YLPM1: variants seen among roughly 807,000 people sequenced by gnomAD.
YLPM1 encodes the protein YLP motif containing 1.
In YLPM1, 99 loss-of-function variants were observed where a neutral mutation model predicts 230.0. The observed-to-expected ratio is 0.43, with a 90% CI of 0.37 to 0.51. The LOEUF (loss-of-function observed/expected upper bound fraction) is 0.51, where lower values mean the gene tolerates loss of function less well. Among genes scored for constraint, YLPM1 ranks in the 20% least tolerant of loss-of-function variants. The pLI is 0.00. For missense variants in YLPM1, 2,592 were observed against 2,707.7 expected, an observed-to-expected ratio of 0.96 and a Z score of 0.95; for synonymous variants, 984 against 942.5, an observed-to-expected ratio of 1.04 and a Z score of -0.81.
intron 2 of YLPM1, 29 bp downstream of exon 2, chr14:74,778,712 A>G: frequency 2.0e-6 from 3 of 1,513,628 alleles, no homozygotes; most frequent in Non-Finnish European, 2.7e-6. Flanking sequence ...GTTTGTGTTT[A>G]TTAAATTATT....
In YLPM1 at chr14:74,816,193, T is replaced by C. The variant is rs1267399482; in HGVS notation, c.5503-10T>C. 1.3e-6 allele frequency: 2 copies of C among 1,595,364 alleles called. No homozygotes were observed. Among genetic ancestry groups the C allele is most frequent in the Middle Eastern group, 1.6e-4 (1 of 6,072 alleles). On this transcript the variant is annotated splice_polypyrimidine_tract_variant and intron_variant, in intron 11 of 20. Coordinates refer to ENST00000325680, the MANE Select transcript of YLPM1 (RefSeq NM_019589.3). ...TGATTTTTTTTTTTTTTTGGTCTAT[T>C]CTGTTTCAGATTGTTGTTATAATGA...
intron 1 of YLPM1, among the ~76,000 whole-genome samples, chr14:74,775,308 G>A (rs1294368280): frequency 6.6e-6 from 1 of 152,156 alleles, no homozygotes; most frequent in Non-Finnish European, 1.5e-5. Context: ...AAAAAGAGGG[G>A]AAGGCAGCTG....
chr14:74,798,598 CAGGACAGGGGTGCAGCTGG>C lies in YLPM1; in HGVS notation c.3302_3320del (p.Gln1101ProfsTer100). 1 of 1,613,154 alleles carries C rather than the reference CAGGACAGGGGTGCAGCTGG, an allele frequency of 6.2e-7. No individual in the cohort carries two copies. The highest frequency in any genetic ancestry group is 1.7e-5 in the Admixed American group (1 of 59,976). On this transcript the variant is annotated frameshift_variant, in exon 5 of 21. Coordinates refer to ENST00000325680, the MANE Select transcript of YLPM1 (RefSeq NM_019589.3). LOFTEE classifies it high-confidence loss of function. ...AGTGCCAGGTGGTCTTCAAGGGAGC[CAGGACAGGGGTGCAGCTGG>C]CAGCCGAGAAAGGGGACCACCTCGG...
chr14:74,798,742 G>C lies in YLPM1; in HGVS notation c.3445G>C (p.Gly1149Arg), dbSNP rs367741566. Residue 1149 changes from glycine (G) to arginine (R), a missense_variant, in exon 5 of 21, where the codon GGG becomes CGG. Transcript: ENST00000325680. ...GAGCAGGGAGAGAGGACCACCTCGAGGGCCTGGCAGTCGAGAAAGGGGACT... is the reference window on the plus strand; with the variant it reads ...GAGCAGGGAGAGAGGACCACCTCGACGGCCTGGCAGTCGAGAAAGGGGACT... ...AGSRERGPPR[G>R]PGSRERGLGR... is the part of the protein sequence containing the mutation. The C allele has an allele frequency of 6.2e-7, 1 of 1,613,322 alleles. No individual in the cohort carries two copies. The highest frequency in any genetic ancestry group is 8.5e-7 in the Non-Finnish European group (1 of 1,179,430).
At chr14:74,766,381 A>C (rs1054480394) in intron 1 of YLPM1, among the ~76,000 whole-genome samples, 3 of 152,334 alleles carry the variant, frequency 2.0e-5, no homozygotes, top group African/African-American at 7.2e-5. Flanking sequence ...AAAATACACA[A>C]AATAGAGAAA....
chr14:74,778,572 A>T lies in YLPM1; in HGVS notation c.999A>T (p.Glu333Asp), dbSNP rs2091064072. 2 of 1,605,144 alleles carry T rather than the reference A, an allele frequency of 1.2e-6. No homozygotes were observed. Among genetic ancestry groups the T allele is most frequent in the South Asian group, 1.1e-5 (1 of 88,958 alleles). ...AKDTPEPVKE[E>D]VTVPATSQVP... ...ATACACCAGAGCCGGTAAAAGAAGA[A>T]GTTACAGTACCTGCCACCAGTCAAG... Residue 333 changes from glutamate (E) to aspartate (D), a missense_variant, in exon 2 of 21, where the codon GAA becomes GAT. This residue lies in a region of YLPM1 where 1,862 missense variants were observed against 1,819.8 expected (regional missense o/e 1.02). Transcript: ENST00000325680.
intron 18 of YLPM1, among the ~76,000 whole-genome samples, chr14:74,825,642 T>C (rs2140142133): frequency 6.6e-6 from 1 of 152,314 alleles, no homozygotes; most frequent in South Asian, 2.1e-4. Context: ...TGAAGTTCTG[T>C]ACATTAGAAT....
chr14:74,824,523 T>A (rs1229507847), intron 18 of YLPM1, among the ~76,000 whole-genome samples: 1 of 152,134 alleles, frequency 6.6e-6, no homozygotes, highest in Non-Finnish European at 1.5e-5. Context: ...TTAAAGTTTT[T>A]AGAGTCAACA....
rs1377956960 is a variant in YLPM1 at position 74,818,306 on chromosome 14, A to G, written c.6022A>G (p.Ile2008Val). 5.0e-6 allele frequency: 8 copies of G among 1,598,992 alleles called. No homozygotes were observed. Among genetic ancestry groups the G allele is most frequent in the Admixed American group, 1.7e-5 (1 of 57,834 alleles). ...TCGTTCTTTGCTGCAAGATGCTGCT[A>G]TTGAAGAGGTGAGTATCCTTTGGTT... ...DIRSLLQDAA[I>V]EEVEMEDFDA... is the part of the protein sequence containing the mutation. Residue 2008 changes from isoleucine to valine, a missense_variant, in exon 16 of 21, where the codon ATT becomes GTT. This residue lies in a region of YLPM1 where 315 missense variants were observed against 429.3 expected (regional missense o/e 0.73). Coordinates refer to ENST00000325680, the MANE Select transcript of YLPM1 (RefSeq NM_019589.3).
At chr14:74,792,007 T>G (rs2091211897) in intron 4 of YLPM1, among the ~76,000 whole-genome samples, 1 of 152,256 alleles carries the variant, frequency 6.6e-6, no homozygotes, top group African/African-American at 2.4e-5. Context: ...TTGCTACATT[T>G]AATACATAGC....
At chr14:74,827,351 A>G (rs1024546942) in intron 18 of YLPM1, 2 of 985,246 alleles carry the variant, frequency 2.0e-6, no homozygotes, top group African/African-American at 1.7e-5. Context: ...TATGCCATCC[A>G]TCTGTGTGTT....
At chr14:74,805,812 C>T (rs1261125892) in intron 6 of YLPM1, among the ~76,000 whole-genome samples, 5 of 150,968 alleles carry the variant, frequency 3.3e-5, no homozygotes, top group African/African-American at 1.2e-4. Flanking sequence ...AAGTGATTCT[C>T]CTGCCTCATC....
chr14:74,799,630 G>A lies in YLPM1; in HGVS notation c.4333G>A (p.Val1445Ile). 1.2e-6 allele frequency: 2 copies of A among 1,613,968 alleles called. No homozygotes were observed. The highest frequency in any genetic ancestry group is 1.7e-6 in the Non-Finnish European group (2 of 1,179,882). The stretch of plus-strand genomic sequence containing the variant: ...AGACTCTGACCAAGGCCTTGGAGGG[G>A]TAATGGTTCTCAGTCAGAGGCAGCA... ...SLDSDQGLGG[V>I]MVLSQRQHEI... The change falls in exon 5 of 21, where the codon GTA (valine) becomes ATA (isoleucine). Residue 1445 changes from valine (V) to isoleucine (I), a missense_variant. Val to Ile is a conservative substitution (Grantham distance 29). Around this residue, in one of 4 missense-constraint regions of YLPM1, gnomAD observed 1,862 missense variants for 1,819.8 expected, o/e 1.02. Transcript: ENST00000325680.
chr14:74,815,838 G>A (rs912667455), intron 11 of YLPM1, among the ~76,000 whole-genome samples: 11 of 151,878 alleles, frequency 7.2e-5, no homozygotes, highest in Admixed American at 7.2e-4. Context: ...GTAAGCTTTG[G>A]TGTGTTGTGT....
chr14:74,782,132 C>A lies in YLPM1; in HGVS notation c.2089C>A (p.Gln697Lys), dbSNP rs776457842. 5.6e-6 allele frequency: 9 copies of A among 1,613,716 alleles called. No individual in the cohort carries two copies. Among genetic ancestry groups the A allele is most frequent in the African/African-American group, 1.3e-5 (1 of 75,024 alleles). Residue 697 changes from glutamine to lysine, a missense_variant, in exon 4 of 21, where the codon CAA (glutamine) becomes AAA (lysine). Around this residue, in one of 4 missense-constraint regions of YLPM1, gnomAD observed 1,862 missense variants for 1,819.8 expected, o/e 1.02. Coordinates refer to ENST00000325680, the MANE Select transcript of YLPM1 (RefSeq NM_019589.3). ...PPLQSAGPSE[Q>K]VNSKAPLSKS... ...GTTGCAATCAGCTGGTCCATCAGAA[C>A]AAGTGAATTCAAAAGCTCCTTTGAG...
intron 4 of YLPM1, among the ~76,000 whole-genome samples, chr14:74,783,967 T>C (rs1027613525): frequency 1.3e-5 from 2 of 152,200 alleles, no homozygotes; most frequent in Non-Finnish European, 2.9e-5. Flanking sequence ...ATAGGTACAG[T>C]TGAGTCTAGA....
At position 74,810,285 on chromosome 14, in the gene YLPM1, G is replaced by A. The variant is rs777316185; in HGVS notation, c.5093G>A (p.Arg1698His). Residue 1698 changes from arginine to histidine, a missense_variant, in exon 9 of 21, where the codon CGT becomes CAT. Physicochemically the swap from Arg to His is conservative, Grantham distance 29. Coordinates refer to ENST00000325680, the MANE Select transcript of YLPM1 (RefSeq NM_019589.3). Reference sequence around the variant, plus strand: ...AGAGATCGTGAGCCTTATTTTGATCGTCAAAGTAATGTCATAGCAGATCAT... The same window carrying A: ...AGAGATCGTGAGCCTTATTTTGATCATCAAAGTAATGTCATAGCAGATCAT... The part of the protein sequence containing the change: ...RERDREPYFD[R>H]QSNVIADHRD... The A allele has an allele frequency of 1.6e-5, 26 of 1,613,608 alleles. 1 individual carries two copies. The highest frequency in any genetic ancestry group is 5.5e-5 in the South Asian group (5 of 91,068).
At position 74,835,901 on chromosome 14, in the gene YLPM1, C is replaced by A. The variant is rs2091640098; in HGVS notation, c.*163C>A. 2.2e-6 allele frequency: 1 copy of A among 455,968 alleles called. No individual in the cohort carries two copies. Among genetic ancestry groups the A allele is most frequent in the East Asian group, 7.0e-5 (1 of 14,380 alleles). 28.2% of individuals were successfully genotyped at this position (455,968 alleles called of 1,614,324 possible). On this transcript the variant is annotated 3_prime_UTR_variant, in exon 21 of 21. Transcript: ENST00000325680. The stretch of plus-strand genomic sequence containing the variant: ...GTTTTTTTTAAAGTTCTCCAGTGTC[C>A]CCAAGAGGTATTAGAATCTTGCTGT...
intron 6 of YLPM1, among the ~76,000 whole-genome samples, chr14:74,805,198 T>G (rs1487602003): frequency 6.6e-6 from 1 of 151,788 alleles, no homozygotes; most frequent in Non-Finnish European, 1.5e-5. Flanking sequence ...TTTTTTGTAT[T>G]TTTAGTAGAG....
Sources: gnomAD v4.1 joint callset for allele counts (sites outside exome capture counted in the v4.1 genomes callset) on GRCh38, gnomAD v4.1.1 for gene constraint, gnomAD v4.1.1 regional missense constraint, MANE v1.5 for transcripts, NCBI Gene and HGNC (gene_info 2026-07-23, HGNC 2026-07-21) for gene names.